The following ADAMTSL1 variants were observed in gnomAD, a reference collection of about 807,000 sequenced individuals.
ADAMTSL1 encodes the protein ADAMTS-like protein 1.
In ADAMTSL1, 126 loss-of-function variants were observed where a neutral mutation model predicts 201.8. That is an observed-to-expected ratio of 0.62 (90% CI 0.54 to 0.72). The LOEUF (loss-of-function observed/expected upper bound fraction) is 0.72. ADAMTSL1 is among the 30% of genes least tolerant of loss of function. ADAMTSL1 has a pLI of 0.00. For synonymous variants in ADAMTSL1, 1,121 were observed against 903.4 expected, an observed-to-expected ratio of 1.24 and a Z score of -4.32; for missense variants, 2,679 against 2,277.8, an observed-to-expected ratio of 1.18 and a Z score of -3.59.
At chr9:18,539,500 A>G (rs1819997906) in intron 3 of ADAMTSL1, among the ~76,000 whole-genome samples, 1 of 152,228 alleles carries the variant, frequency 6.6e-6, no homozygotes, top group African/African-American at 2.4e-5. Context: ...GAAAACTCAC[A>G]GAACTGCCTC....
At chr9:18,481,865 A>G (rs946571934) in intron 1 of ADAMTSL1, among the ~76,000 whole-genome samples, 2 of 152,210 alleles carry the variant, frequency 1.3e-5, no homozygotes, top group Non-Finnish European at 2.9e-5. Flanking sequence ...CTTTGTGAGA[A>G]TTACCATTAT....
intron 3 of ADAMTSL1, among the ~76,000 whole-genome samples, chr9:18,558,931 C>A (rs968465258): frequency 6.6e-6 from 1 of 152,072 alleles, no homozygotes; most frequent in Non-Finnish European, 1.5e-5. Flanking sequence ...GAATAGATTG[C>A]AAAAAATTTC....
chr9:18,520,559 T>A (rs1192091442), intron 2 of ADAMTSL1, among the ~76,000 whole-genome samples: 1 of 152,204 alleles, frequency 6.6e-6, no homozygotes, highest in Non-Finnish European at 1.5e-5. Context: ...TCTGATCAGT[T>A]TAAAATTGCT....
chr9:18,497,095 G>A (rs1352383601), intron 1 of ADAMTSL1, among the ~76,000 whole-genome samples: 1 of 152,114 alleles, frequency 6.6e-6, no homozygotes, highest in East Asian at 1.9e-4. Flanking sequence ...GGTTTTCTAA[G>A]TATAGGAAAA....
intron 2 of ADAMTSL1, among the ~76,000 whole-genome samples, chr9:18,410,824 G>A (rs1818406395): frequency 6.7e-6 from 1 of 149,956 alleles, no homozygotes; most frequent in African/African-American, 2.5e-5. Context: ...TAATCGACTG[G>A]TAGATTTTCT....
At chr9:18,877,408 G>A (rs953315772) in intron 23 of ADAMTSL1, among the ~76,000 whole-genome samples, 1 of 152,264 alleles carries the variant, frequency 6.6e-6, no homozygotes, top group South Asian at 2.1e-4. Flanking sequence ...AGATTCTTTT[G>A]TCCCACAGGG....
intron 1 of ADAMTSL1, among the ~76,000 whole-genome samples, chr9:17,978,410 T>G (rs1818540486): frequency 6.6e-6 from 1 of 152,080 alleles, no homozygotes; most frequent in Admixed American, 6.6e-5. Flanking sequence ...TAGATGATTT[T>G]CTGTTGTGGT....
intron 1 of ADAMTSL1, among the ~76,000 whole-genome samples, chr9:18,081,767 A>G (rs1823508602): frequency 6.6e-6 from 1 of 152,224 alleles, no homozygotes; most frequent in Non-Finnish European, 1.5e-5. Flanking sequence ...TATTATAATT[A>G]ATAGTTTAGA....
intron 13 of ADAMTSL1, among the ~76,000 whole-genome samples, chr9:18,694,335 A>G (rs1349652509): frequency 6.6e-6 from 1 of 152,082 alleles, no homozygotes; most frequent in Non-Finnish European, 1.5e-5. Context: ...CAATCTCCCA[A>G]TTCTTAACTC....
At chr9:18,740,488 T>TC (rs1225673602) in intron 15 of ADAMTSL1, among the ~76,000 whole-genome samples, 1 of 145,618 alleles carries the variant, frequency 6.9e-6, no homozygotes, top group Non-Finnish European at 1.5e-5. Flanking sequence ...CTTTTTTTTT[T>TC]TTTTTTTGAG....
At chr9:18,278,813 C>G (rs75009991) in intron 2 of ADAMTSL1, among the ~76,000 whole-genome samples, 6 of 152,202 alleles carry the variant, frequency 3.9e-5, no homozygotes, top group East Asian at 1.9e-4. Flanking sequence ...TTAGTGGTGT[C>G]TCATAAGTTC....
At chr9:18,613,860 A>G (rs1825541501) in intron 4 of ADAMTSL1, among the ~76,000 whole-genome samples, 1 of 152,046 alleles carries the variant, frequency 6.6e-6, no homozygotes, top group Non-Finnish European at 1.5e-5. Flanking sequence ...AAAGCTGCAC[A>G]TCATGCACAT....
At chr9:18,735,584 G>C (rs1818453212) in intron 15 of ADAMTSL1, among the ~76,000 whole-genome samples, 1 of 152,068 alleles carries the variant, frequency 6.6e-6, no homozygotes, top group Non-Finnish European at 1.5e-5. Flanking sequence ...GAAGTTTAAA[G>C]AGTAAAAGTG....
intron 1 of ADAMTSL1, among the ~76,000 whole-genome samples, chr9:18,501,307 T>G (rs1448660170): frequency 6.6e-6 from 1 of 151,978 alleles, no homozygotes; most frequent in Non-Finnish European, 1.5e-5. Flanking sequence ...GCTCAGGAGT[T>G]CAAGACCAGC....
chr9:17,998,557 A>G (rs1437639016), intron 1 of ADAMTSL1, among the ~76,000 whole-genome samples: 3 of 152,096 alleles, frequency 2.0e-5, no homozygotes, highest in Non-Finnish European at 4.4e-5. Flanking sequence ...GGCTGCAAGG[A>G]GTTCAGTAAT....
chr9:18,364,167 C>T (rs1404063266), intron 2 of ADAMTSL1, among the ~76,000 whole-genome samples: 13 of 152,068 alleles, frequency 8.5e-5, no homozygotes. Context: ...TGCCTAAGAG[C>T]CATGGATGAG....
chr9:17,978,887 G>T (rs553515520), intron 1 of ADAMTSL1, among the ~76,000 whole-genome samples: 1 of 151,726 alleles, frequency 6.6e-6, no homozygotes, highest in African/African-American at 2.4e-5. Flanking sequence ...TTCAGTTCTT[G>T]TTTGTCTGAG....
At chr9:18,524,443 G>C (rs1031389477) in intron 2 of ADAMTSL1, among the ~76,000 whole-genome samples, 5 of 152,008 alleles carry the variant, frequency 3.3e-5, no homozygotes, top group African/African-American at 1.2e-4. Context: ...TCTTTCTCCT[G>C]CCTGATTGCC....
intron 2 of ADAMTSL1, among the ~76,000 whole-genome samples, chr9:18,223,198 C>G (rs1480736267): frequency 6.6e-6 from 1 of 151,908 alleles, no homozygotes; most frequent in East Asian, 1.9e-4. Context: ...TCTAAATGCC[C>G]CAAAATCTGA....
Sources: gnomAD v4.1 joint callset for allele counts (sites outside exome capture counted in the v4.1 genomes callset) on GRCh38, gnomAD v4.1.1 for gene constraint, MANE v1.5 for transcripts, NCBI Gene and HGNC (gene_info 2026-07-23, HGNC 2026-07-21) for gene names.